The following CNKSR2 variants were observed in gnomAD, a reference collection of about 807,000 sequenced individuals.
The protein encoded by CNKSR2 is CNK homolog protein 2.
CNKSR2 carries 14 observed loss-of-function variants against 84.4 expected under a neutral mutation model. That is an observed-to-expected ratio of 0.17 (90% CI 0.11 to 0.26). CNKSR2 has a LOEUF of 0.26. CNKSR2 is among the 10% of genes least tolerant of loss of function. The pLI, the probability that CNKSR2 is intolerant of heterozygous loss-of-function variation, is 1.00. For missense variants in CNKSR2, 485 were observed against 771.2 expected (o/e 0.63, Z 4.40); for synonymous variants, 275 against 277.9 (o/e 0.99, Z 0.10).
At chrX:21,509,041 T>C (rs1265099686) in intron 8 of CNKSR2, among the ~76,000 whole-genome samples, 2 of 112,165 alleles carry the variant, frequency 1.8e-5, no homozygotes, top group Non-Finnish European at 3.8e-5. Flanking sequence ...TCTCTGTCCA[T>C]CTTTAGCTGT....
chrX:21,588,819 C>G (rs1466573635), intron 13 of CNKSR2, among the ~76,000 whole-genome samples: 1 of 111,222 alleles, frequency 9.0e-6, no homozygotes, highest in African/African-American at 3.3e-5. Context: ...AAAAACAAAC[C>G]ACCTCCATCT....
intron 5 of CNKSR2, among the ~76,000 whole-genome samples, chrX:21,485,188 A>G (rs1375819616): frequency 9.0e-6 from 1 of 111,637 alleles, no homozygotes; most frequent in African/African-American, 3.3e-5. Context: ...ATCTCAAAAA[A>G]TAATAATAAT....
intron 7 of CNKSR2, among the ~76,000 whole-genome samples, chrX:21,499,650 A>C (rs899492930): frequency 3.6e-5 from 4 of 110,828 alleles, no homozygotes; most frequent in African/African-American, 6.5e-5. Context: ...TTTTCTTAAA[A>C]ATATTTAAGT....
At chrX:21,435,448 A>G (rs953737657) in intron 3 of CNKSR2, among the ~76,000 whole-genome samples, 2 of 111,543 alleles carry the variant, frequency 1.8e-5, no homozygotes, top group African/African-American at 6.5e-5. Context: ...TTTAAATGAG[A>G]TACACGTTCA....
At chrX:21,557,241 A>G (rs1187611105) in intron 11 of CNKSR2, among the ~76,000 whole-genome samples, 1 of 111,136 alleles carries the variant, frequency 9.0e-6, no homozygotes, top group Admixed American at 9.6e-5. Context: ...TTGTATTAAA[A>G]TACAGTAATT....
intron 4 of CNKSR2, among the ~76,000 whole-genome samples, chrX:21,452,753 CTTATTTTATTTTATT>C (rs3050694): frequency 0.014 from 1,215 of 86,818 alleles, 29 homozygotes; most frequent in African/African-American, 0.055. Flanking sequence ...ACAAGCATGA[CTTATTTTATTTTATT>C]TTATTTTATT....
At chrX:21,637,981 A>T (rs770094734) in intron 20 of CNKSR2, among the ~76,000 whole-genome samples, 4 of 111,145 alleles carry the variant, frequency 3.6e-5, no homozygotes, top group Non-Finnish European at 5.7e-5. Context: ...TTTGCCCTTA[A>T]ATTTGCCCTC....
intron 20 of CNKSR2, among the ~76,000 whole-genome samples, chrX:21,613,470 T>G: frequency 8.9e-6 from 1 of 112,068 alleles, no homozygotes; most frequent in Non-Finnish European, 1.9e-5. Flanking sequence ...ACCAGTATTC[T>G]CACTTAATTT....
intron 7 of CNKSR2, among the ~76,000 whole-genome samples, chrX:21,498,903 AATT>A (rs1352111649): frequency 8.9e-6 from 1 of 111,801 alleles, no homozygotes; most frequent in African/African-American, 3.2e-5. Flanking sequence ...TTCAATCTCA[AATT>A]ATTATTGATC....
At chrX:21,462,895 T>G (rs894184647) in intron 4 of CNKSR2, among the ~76,000 whole-genome samples, 2 of 109,345 alleles carry the variant, frequency 1.8e-5, no homozygotes, top group African/African-American at 6.7e-5. Context: ...TTAGTAGAGA[T>G]GGGGTTTCAC....
rs2092723555 is a variant in CNKSR2 at position 21,652,561 on chromosome X, T to C, written c.*40T>C. The C allele has an allele frequency of 2.0e-6, 2 of 1,010,442 alleles. No homozygotes were observed. The highest frequency in any genetic ancestry group is 2.8e-6 in the Non-Finnish European group (2 of 717,886). 83.3% of individuals were successfully genotyped at this position (1,010,442 alleles called of 1,213,427 possible). On this transcript the variant is annotated 3_prime_UTR_variant, in exon 22 of 22. Coordinates refer to ENST00000379510, the MANE Select transcript of CNKSR2 (RefSeq NM_014927.5). Reference sequence around the variant, plus strand: ...CAGACCATCTAGTACCTGCTGGTACTCTGAACAAGTATATAAGGTAGTTTT... The same window carrying C: ...CAGACCATCTAGTACCTGCTGGTACCCTGAACAAGTATATAAGGTAGTTTT...
intron 11 of CNKSR2, among the ~76,000 whole-genome samples, chrX:21,544,103 G>A (rs1295172659): frequency 8.9e-6 from 1 of 112,269 alleles, no homozygotes; most frequent in Non-Finnish European, 1.9e-5. Flanking sequence ...GTCTCCTGTG[G>A]AAGGACTTAG....
At chrX:21,632,839 C>G (rs2092653795) in intron 20 of CNKSR2, among the ~76,000 whole-genome samples, 1 of 111,888 alleles carries the variant, frequency 8.9e-6, no homozygotes, top group Non-Finnish European at 1.9e-5. Context: ...TAATTTATCA[C>G]TACAAATCCA....
chrX:21,617,730 A>C (rs1176451048), intron 20 of CNKSR2, among the ~76,000 whole-genome samples: 1 of 111,451 alleles, frequency 9.0e-6, no homozygotes. Flanking sequence ...TTTATAATGT[A>C]AGCAACAGTC....
At chrX:21,466,173 C>T (rs1045805029) in intron 4 of CNKSR2, among the ~76,000 whole-genome samples, 6 of 111,827 alleles carry the variant, frequency 5.4e-5, no homozygotes, top group African/African-American at 1.9e-4. Context: ...AGTATCGTGA[C>T]TGGAAACCCA....
intron 20 of CNKSR2, among the ~76,000 whole-genome samples, chrX:21,624,903 A>G (rs989331561): frequency 1.8e-5 from 2 of 112,277 alleles, no homozygotes; most frequent in African/African-American, 6.5e-5. Context: ...TTATCCCCCA[A>G]TAGCTCATAA....
chrX:21,374,630 AGCCGCC>A lies in CNKSR2; in HGVS notation c.-255_-250del. 4 of 448,637 alleles carry A rather than the reference AGCCGCC, an allele frequency of 8.9e-6. No homozygotes were observed. The highest frequency in any genetic ancestry group is 9.0e-5 in the East Asian group (2 of 22,152). 37.0% of individuals were successfully genotyped at this position (448,637 alleles called of 1,213,427 possible). ...CAGCAGCAGCAGCAGCAGCAGCAGC[AGCCGCC>A]GCCGCCGCCGCCTTAGCGGGAACTG... On this transcript the variant is annotated 5_prime_UTR_variant, in exon 1 of 22. Transcript: ENST00000379510.
chrX:21,393,760 T>A (rs2090083468), intron 1 of CNKSR2, among the ~76,000 whole-genome samples: 1 of 112,422 alleles, frequency 8.9e-6, no homozygotes, highest in Non-Finnish European at 1.9e-5. Flanking sequence ...AAGTAATCAT[T>A]GTATAGTAAC....
chrX:21,460,322 C>T (rs1438415048), intron 4 of CNKSR2, among the ~76,000 whole-genome samples: 2 of 112,260 alleles, frequency 1.8e-5, no homozygotes, highest in East Asian at 5.6e-4. Context: ...TACCATTCAT[C>T]CATCCATTTC....
Sources: allele counts gnomAD v4.1 joint callset (sites outside exome capture counted in the v4.1 genomes callset), GRCh38; gene constraint gnomAD v4.1.1; transcripts MANE v1.5; gene names NCBI Gene and HGNC (gene_info 2026-07-23, HGNC 2026-07-21).